AFF2: variants seen among roughly 807,000 people sequenced by gnomAD.
AFF2 encodes AF4/FMR2 family member 2.
A neutral mutation model predicts 76.9 loss-of-function variants in AFF2; 14 were observed. The observed-to-expected ratio is 0.18, with a 90% CI of 0.12 to 0.28. AFF2 has a LOEUF of 0.28. Ranked by LOEUF, AFF2 falls within the 10% of genes least tolerant of loss-of-function variation. The pLI is 1.00. For synonymous variants in AFF2, 398 were observed against 366.7 expected, an observed-to-expected ratio of 1.09 and a Z score of -0.98; for missense variants, 868 against 1,001.1, an observed-to-expected ratio of 0.87 and a Z score of 1.79.
chrX:148,713,255 C>G (rs1169593656), intron 3 of AFF2, among the ~76,000 whole-genome samples: 1 of 111,328 alleles, frequency 9.0e-6, no homozygotes, highest in Non-Finnish European at 1.9e-5. Context: ...ATCTTGCAGA[C>G]CATTTATAAG....
At chrX:148,960,754 G>T (rs2072099732) in intron 12 of AFF2, among the ~76,000 whole-genome samples, 1 of 111,972 alleles carries the variant, frequency 8.9e-6, no homozygotes, top group African/African-American at 3.2e-5. Context: ...TTCAACAGAA[G>T]GACTCTCCTG....
At chrX:148,978,590 C>G in intron 18 of AFF2, 135 bp downstream of exon 18, 1 of 458,593 alleles carries the variant, frequency 2.2e-6, no homozygotes, top group Non-Finnish European at 3.7e-6. Flanking sequence ...GCCGTCCTAC[C>G]CTTCCTTAAG....
At chrX:148,800,638 A>G (rs1320671338) in intron 3 of AFF2, among the ~76,000 whole-genome samples, 1 of 111,327 alleles carries the variant, frequency 9.0e-6, no homozygotes, top group Non-Finnish European at 1.9e-5. Context: ...GGGGTTATGG[A>G]ACTTAATTTA....
intron 3 of AFF2, among the ~76,000 whole-genome samples, chrX:148,709,380 C>T (rs1250886291): frequency 2.7e-5 from 3 of 111,311 alleles, no homozygotes; most frequent in African/African-American, 6.5e-5. Context: ...CTGGAACAGT[C>T]GTTGGCACAC....
intron 3 of AFF2, among the ~76,000 whole-genome samples, chrX:148,731,077 G>A (rs916979155): frequency 9.0e-6 from 1 of 111,373 alleles, no homozygotes; most frequent in African/African-American, 3.3e-5. Context: ...AAATCTCCCC[G>A]ATGCTGCTCT....
intron 1 of AFF2, among the ~76,000 whole-genome samples, chrX:148,617,483 A>G (rs1267182208): frequency 8.9e-6 from 1 of 112,043 alleles, no homozygotes; most frequent in Non-Finnish European, 1.9e-5. Context: ...GCCCTTTGTC[A>G]GATGAGTAGG....
chrX:148,801,821 T>C (rs2070062525), intron 3 of AFF2, among the ~76,000 whole-genome samples: 1 of 111,594 alleles, frequency 9.0e-6, no homozygotes, highest in Non-Finnish European at 1.9e-5. Flanking sequence ...TCCACCTCCT[T>C]TCACAGTAGG....
chrX:148,724,992 GT>G (rs35606549), intron 3 of AFF2, among the ~76,000 whole-genome samples: 1 of 110,690 alleles, frequency 9.0e-6, no homozygotes, highest in African/African-American at 3.3e-5. Context: ...CACACGGGTA[GT>G]TTTTTTTGTG....
At chrX:148,887,612 G>A (rs184268998) in intron 8 of AFF2, among the ~76,000 whole-genome samples, 1 of 111,836 alleles carries the variant, frequency 8.9e-6, no homozygotes, top group East Asian at 2.8e-4. Context: ...GAGTTTTAGG[G>A]TATATTCACT....
chrX:148,799,359 G>A (rs140962660), intron 3 of AFF2, among the ~76,000 whole-genome samples: 128 of 111,389 alleles, frequency 1.1e-3, no homozygotes, highest in African/African-American at 4.1e-3. Flanking sequence ...CCATCATCAT[G>A]GTAATCAAAC....
Position 148,661,992 on chromosome X carries a change from T to A in AFF2, c.265T>A (p.Ser89Thr), listed in dbSNP as rs188230009. The A allele has an allele frequency of 7.5e-6, 9 of 1,207,680 alleles. No individual in the cohort carries two copies. Residue 89 changes from serine to threonine, a missense_variant, in exon 3 of 21, where the codon TCT becomes ACT. By Grantham distance (58) the Ser-to-Thr change is moderately conservative (BLOSUM62 1). Coordinates refer to ENST00000370460, the MANE Select transcript of AFF2 (RefSeq NM_002025.4). ...DEMKNLLTNHSNQNHLVGIPK... is the reference protein window; with the variant it reads ...DEMKNLLTNHTNQNHLVGIPK... ...AATGAAGAATTTGCTAACTAACCAT[T>A]CTAATCAGAATCACCTAGTGGGAAT... is the stretch of plus-strand genomic sequence containing the variant.
intron 3 of AFF2, among the ~76,000 whole-genome samples, chrX:148,791,885 A>G (rs1401540489): frequency 9.0e-6 from 1 of 111,705 alleles, no homozygotes; most frequent in African/African-American, 3.3e-5. Flanking sequence ...TCGAACTGCA[A>G]CTTACATTTT....
At chrX:148,848,459 C>T (rs2070694368) in intron 7 of AFF2, among the ~76,000 whole-genome samples, 4 of 112,216 alleles carry the variant, frequency 3.6e-5, no homozygotes, top group African/African-American at 1.3e-4. Context: ...GCCTTCATCA[C>T]TGGAAATGTT....
chrX:148,840,571 A>C (rs1022607979), intron 5 of AFF2, among the ~76,000 whole-genome samples: 5 of 112,895 alleles, frequency 4.4e-5, no homozygotes, highest in African/African-American at 1.6e-4. Flanking sequence ...AGAACCTCAT[A>C]TAAGTTTGTG....
intron 9 of AFF2, among the ~76,000 whole-genome samples, chrX:148,918,908 C>T (rs1404001114): frequency 8.9e-6 from 1 of 111,796 alleles, no homozygotes; most frequent in Non-Finnish European, 1.9e-5. Context: ...TTAGGCAAAA[C>T]CTACAATAAG....
intron 3 of AFF2, among the ~76,000 whole-genome samples, chrX:148,808,764 A>G (rs183128820): frequency 1.6e-3 from 184 of 112,135 alleles, no homozygotes; most frequent in Non-Finnish European, 2.0e-3. Context: ...TAATGCATGT[A>G]CAGAAGTGAC....
chrX:148,640,661 C>T (rs1034357033), intron 1 of AFF2, among the ~76,000 whole-genome samples: 7 of 112,481 alleles, frequency 6.2e-5, no homozygotes, highest in Non-Finnish European at 1.1e-4. Context: ...TTAAAAATCT[C>T]ATCTATTCTT....
intron 3 of AFF2, among the ~76,000 whole-genome samples, chrX:148,786,822 C>T (rs1327402276): frequency 2.7e-5 from 3 of 111,471 alleles, no homozygotes; most frequent in Non-Finnish European, 5.6e-5. Context: ...CAATGATGTC[C>T]AGTACAGTGC....
intron 1 of AFF2, among the ~76,000 whole-genome samples, chrX:148,537,388 T>C (rs919556841): frequency 1.7e-4 from 19 of 111,789 alleles, no homozygotes; most frequent in Non-Finnish European, 1.3e-4. Context: ...ACCTTCTATG[T>C]GCTGGGCACC....
Sources: allele counts gnomAD v4.1 joint callset (sites outside exome capture counted in the v4.1 genomes callset), GRCh38; gene constraint gnomAD v4.1.1; transcripts MANE v1.5; gene names NCBI Gene and HGNC (gene_info 2026-07-23, HGNC 2026-07-21).